CNTNAP2: variants seen among roughly 807,000 people sequenced by gnomAD.
CNTNAP2 encodes contactin-associated protein-like 2.
In CNTNAP2, 98 loss-of-function variants were observed where a neutral mutation model predicts 155.2. The observed-to-expected ratio is 0.63, with a 90% CI of 0.54 to 0.75. CNTNAP2 has a LOEUF of 0.75. Ranked by LOEUF, CNTNAP2 falls within the 30% of genes least tolerant of loss-of-function variation. CNTNAP2 has a pLI of 0.00. For synonymous variants in CNTNAP2, 651 were observed against 631.2 expected (o/e 1.03, Z -0.47); for missense variants, 1,727 against 1,688.1 (o/e 1.02, Z -0.40).
intron 8 of CNTNAP2, among the ~76,000 whole-genome samples, chr7:147,178,395 T>G (rs1475091939): frequency 1.3e-5 from 2 of 152,196 alleles, no homozygotes; most frequent in Admixed American, 1.3e-4. Context: ...GGAAACAGTT[T>G]CTTACCTAGA....
chr7:148,309,789 G>T (rs1036672792), intron 21 of CNTNAP2, among the ~76,000 whole-genome samples: 3 of 152,242 alleles, frequency 2.0e-5, no homozygotes, highest in East Asian at 3.9e-4. Context: ...AGGTCACAGG[G>T]GATATGATGG....
intron 14 of CNTNAP2, among the ~76,000 whole-genome samples, chr7:147,946,519 T>C (rs544908399): frequency 1.5e-4 from 23 of 152,266 alleles, no homozygotes; most frequent in African/African-American, 5.5e-4. Flanking sequence ...CACAAAACTT[T>C]AGCAGAAGTG....
chr7:148,066,534 T>C (rs1197584471), intron 15 of CNTNAP2, among the ~76,000 whole-genome samples: 2 of 152,022 alleles, frequency 1.3e-5, no homozygotes, highest in Non-Finnish European at 2.9e-5. Flanking sequence ...GTCTCACTCT[T>C]TCGCCCAGGC....
chr7:148,366,613 A>G (rs1226779867), intron 21 of CNTNAP2, among the ~76,000 whole-genome samples: 1 of 152,228 alleles, frequency 6.6e-6, no homozygotes, highest in African/African-American at 2.4e-5. Context: ...CATCACGGCT[A>G]AAGAAATAGA....
intron 18 of CNTNAP2, among the ~76,000 whole-genome samples, chr7:148,189,458 G>C (rs1012316418): frequency 1.3e-5 from 2 of 152,100 alleles, no homozygotes; most frequent in African/African-American, 2.4e-5. Flanking sequence ...ATAAGGAACC[G>C]ACTCCTGCAA....
intron 11 of CNTNAP2, among the ~76,000 whole-genome samples, chr7:147,514,260 T>A (rs1799075278): frequency 6.6e-6 from 1 of 152,132 alleles, no homozygotes; most frequent in Non-Finnish European, 1.5e-5. Context: ...TTTGGATAGA[T>A]GAAGGTATAA....
At chr7:146,671,195 A>G (rs1210407902) in intron 1 of CNTNAP2, among the ~76,000 whole-genome samples, 1 of 152,166 alleles carries the variant, frequency 6.6e-6, no homozygotes, top group African/African-American at 2.4e-5. Context: ...TTCTCTAGAC[A>G]GTGAAGTCAT....
chr7:146,689,502 T>C (rs1280271285), intron 1 of CNTNAP2, among the ~76,000 whole-genome samples: 1 of 152,102 alleles, frequency 6.6e-6, no homozygotes, highest in Non-Finnish European at 1.5e-5. Flanking sequence ...TTCTATAAGC[T>C]CTAAACAGTA....
At chr7:147,676,142 A>G (rs1023500483) in intron 13 of CNTNAP2, among the ~76,000 whole-genome samples, 1 of 151,784 alleles carries the variant, frequency 6.6e-6, no homozygotes, top group Non-Finnish European at 1.5e-5. Flanking sequence ...CAGAAGTTAC[A>G]AAAGAGAATG....
rs1005196299 is a variant in CNTNAP2 at position 146,116,825 on chromosome 7, G to A, written c.-52G>A. 1.4e-6 allele frequency: 2 copies of A among 1,421,190 alleles called. No individual in the cohort carries two copies. The highest frequency in any genetic ancestry group is 1.9e-6 in the Non-Finnish European group (2 of 1,040,494). 88.0% of individuals were successfully genotyped at this position (1,421,190 alleles called of 1,614,324 possible). Reference sequence around the variant, plus strand: ...CCTTCAAGAACCCTACGGAGAGTCGGACTGCATCTCCGCAGCGAGCTCTTG... The same window carrying A: ...CCTTCAAGAACCCTACGGAGAGTCGAACTGCATCTCCGCAGCGAGCTCTTG... On this transcript the variant is annotated 5_prime_UTR_variant, in exon 1 of 24. Coordinates refer to ENST00000361727, the MANE Select transcript of CNTNAP2 (RefSeq NM_014141.6). This position sits in a 1 kb window ranked among gnomAD's most constrained non-coding sequence, Gnocchi z 5.5.
chr7:146,720,433 G>A (rs114400595), intron 1 of CNTNAP2, among the ~76,000 whole-genome samples: 34 of 152,172 alleles, frequency 2.2e-4, no homozygotes, highest in African/African-American at 7.9e-4. Context: ...GTAGCTCACG[G>A]AGGGAAGTGC....
At chr7:146,392,657 A>G (rs1795561586) in intron 1 of CNTNAP2, among the ~76,000 whole-genome samples, 1 of 152,170 alleles carries the variant, frequency 6.6e-6, no homozygotes, top group Non-Finnish European at 1.5e-5. Context: ...AACCCTAAGC[A>G]TCACACAAGA....
At chr7:147,257,805 G>T (rs1804366457) in intron 8 of CNTNAP2, among the ~76,000 whole-genome samples, 1 of 152,182 alleles carries the variant, frequency 6.6e-6, no homozygotes. Context: ...CAGGCTTCAT[G>T]AAAAATATGG....
chr7:147,885,151 T>C (rs989781649), intron 13 of CNTNAP2, among the ~76,000 whole-genome samples: 1 of 152,182 alleles, frequency 6.6e-6, no homozygotes, highest in Admixed American at 6.5e-5. Flanking sequence ...GGGTTAAAGG[T>C]CAAGGCTAAG....
chr7:147,985,353 A>G (rs1801599931), intron 15 of CNTNAP2, among the ~76,000 whole-genome samples: 1 of 144,816 alleles, frequency 6.9e-6, no homozygotes, highest in Admixed American at 6.9e-5. Flanking sequence ...TTAAATCAAT[A>G]TGTATGCCTT....
intron 11 of CNTNAP2, among the ~76,000 whole-genome samples, chr7:147,516,722 A>G (rs779224424): frequency 5.3e-5 from 8 of 152,140 alleles, no homozygotes; most frequent in Admixed American, 3.9e-4. Context: ...TATAATTTAT[A>G]AACACTGAGC....
At chr7:147,942,111 T>A (rs1800734539) in intron 14 of CNTNAP2, among the ~76,000 whole-genome samples, 1 of 152,238 alleles carries the variant, frequency 6.6e-6, no homozygotes. Context: ...AGGTTCTTTA[T>A]GTCCTTAGTG....
At chr7:147,006,472 C>T (rs1030614464) in intron 3 of CNTNAP2, among the ~76,000 whole-genome samples, 9 of 151,896 alleles carry the variant, frequency 5.9e-5, no homozygotes, top group Non-Finnish European at 1.2e-4. Flanking sequence ...TCCTCAGGGG[C>T]CTTTAGCTCA....
chr7:147,130,232 A>T (rs1017382028), intron 7 of CNTNAP2, among the ~76,000 whole-genome samples: 6 of 152,062 alleles, frequency 3.9e-5, no homozygotes, highest in African/African-American at 1.4e-4. Flanking sequence ...TGGGCAACAT[A>T]GTGAGACCAT....
Sources: allele counts gnomAD v4.1 joint callset (sites outside exome capture counted in the v4.1 genomes callset), GRCh38; gene constraint gnomAD v4.1.1; non-coding constraint Gnocchi (gnomAD v3.1); transcripts MANE v1.5; gene names NCBI Gene and HGNC (gene_info 2026-07-23, HGNC 2026-07-21).